The following QKI variants were observed in gnomAD, a reference collection of about 807,000 sequenced individuals.
The protein encoded by QKI is KH domain-containing RNA-binding protein QKI.
QKI carries 10 observed loss-of-function variants against 39.0 expected under a neutral mutation model. That is an observed-to-expected ratio of 0.26 (90% CI 0.16 to 0.43). QKI has a LOEUF of 0.43. Ranked by LOEUF, QKI falls within the 20% of genes least tolerant of loss-of-function variation. The pLI is 1.00. For missense variants in QKI, 218 were observed against 428.0 expected, an observed-to-expected ratio of 0.51 and a Z score of 4.33; for synonymous variants, 204 against 155.4, an observed-to-expected ratio of 1.31 and a Z score of -2.33.
At position 163,464,438 on chromosome 6, in the gene QKI, T is replaced by C. The variant is rs185311748; in HGVS notation, c.285+9017T>C. ...AAAACAGAGTTGGTTTTTGAAAAGGTAAACAAAATTGACAGACCTTTAGTT... is the reference window on the plus strand; with the variant it reads ...AAAACAGAGTTGGTTTTTGAAAAGGCAAACAAAATTGACAGACCTTTAGTT... On this transcript the variant is annotated intron_variant, in intron 2 of 7. Transcript: ENST00000361752. Among the ~76,000 whole-genome samples the C allele has an allele frequency of 1.5e-4, 23 of 151,756 alleles. 1 individual carries two copies. In the East Asian group the frequency reaches 4.3e-3, roughly 28 times the overall value.
chr6:163,549,884 G>A (rs1001256564), intron 4 of QKI, among the ~76,000 whole-genome samples: 2 of 152,144 alleles, frequency 1.3e-5, no homozygotes, highest in African/African-American at 4.8e-5. Context: ...TTTAACAGGT[G>A]TTTTAAGCAT....
intron 1 of QKI, among the ~76,000 whole-genome samples, chr6:163,430,827 C>G (rs1229032853): frequency 6.6e-6 from 1 of 152,082 alleles, no homozygotes; most frequent in Non-Finnish European, 1.5e-5. Context: ...AAAGTGTGTT[C>G]CATGGAATAC....
chr6:163,514,004 C>T (rs1381598580), intron 3 of QKI, among the ~76,000 whole-genome samples: 1 of 152,022 alleles, frequency 6.6e-6, no homozygotes, highest in African/African-American at 2.4e-5. Context: ...GAGCAAGAAG[C>T]AGACAAGGCA....
intron 1 of QKI, among the ~76,000 whole-genome samples, chr6:163,452,872 C>T (rs910190177): frequency 1.3e-5 from 2 of 152,054 alleles, no homozygotes; most frequent in Non-Finnish European, 2.9e-5. Flanking sequence ...GGATTACAGG[C>T]GTCTGCCACC....
chr6:163,576,582 A>G lies in QKI; in HGVS notation c.*5872A>G, dbSNP rs1261691938. 1 of 152,100 alleles carries G rather than the reference A, an allele frequency of 6.6e-6. No individual in the cohort carries two copies. The highest frequency in any genetic ancestry group is 1.5e-5 in the Non-Finnish European group (1 of 68,030). The allele number at this position is 152,100 out of a possible 1,614,324, so 9.4% of individuals were successfully genotyped here. On this transcript the variant is annotated 3_prime_UTR_variant, in exon 8 of 8. Coordinates refer to ENST00000361752, the MANE Select transcript of QKI (RefSeq NM_006775.3). ...ATTTTACTGTGGAAATTGTGTATAT[A>G]TATATATATAGTCGAAATAGGTGTT...
rs550612924 is a variant in QKI at position 163,524,694 on chromosome 6, C to T, written c.403-10288C>T. On this transcript the variant is annotated intron_variant, in intron 3 of 7. Transcript: ENST00000361752. Reference sequence around the variant, plus strand: ...GTTGGTCAGGCTGGTCTTGAACTCCCGACCTCAGGTGATCTACCTGCCCCG... The same window carrying T: ...GTTGGTCAGGCTGGTCTTGAACTCCTGACCTCAGGTGATCTACCTGCCCCG... 6.6e-5 allele frequency among the ~76,000 whole-genome samples: 10 copies of T among 152,012 alleles called. No individual in the cohort carries two copies. In the East Asian group the frequency reaches 1.7e-3, roughly 26 times the overall value.
chr6:163,552,993 C>T (rs1782343324), intron 4 of QKI, among the ~76,000 whole-genome samples: 1 of 151,460 alleles, frequency 6.6e-6, no homozygotes, highest in Non-Finnish European at 1.5e-5. Context: ...TTTTGCCTCT[C>T]TGTCCCACCT....
rs569419291 is a variant in QKI, at chr6:163,473,677, G to A, written c.286-5103G>A. Among the ~76,000 whole-genome samples, 23 of 152,250 alleles carry A rather than the reference G, an allele frequency of 1.5e-4. No homozygotes were observed. In the South Asian group the frequency reaches 4.4e-3, roughly 29 times the overall value. On this transcript the variant is annotated intron_variant, in intron 2 of 7. Transcript: ENST00000361752. ...AAATTGACATACGAAGGAATAGAAA[G>A]TCTGAATCCATAATTTAAAACTTTC...
chr6:163,539,133 A>G (rs1781367300), intron 4 of QKI, among the ~76,000 whole-genome samples: 3 of 152,170 alleles, frequency 2.0e-5, no homozygotes, highest in Admixed American at 2.0e-4. Flanking sequence ...GGGGTGCTTC[A>G]CCATGTAACA....
At chr6:163,476,450 T>A (rs1792612591) in intron 2 of QKI, among the ~76,000 whole-genome samples, 1 of 152,174 alleles carries the variant, frequency 6.6e-6, no homozygotes, top group Non-Finnish European at 1.5e-5. Flanking sequence ...AATTAGGAGC[T>A]TGTGTTCATG....
chr6:163,436,789 C>CA (rs60899517), intron 1 of QKI, among the ~76,000 whole-genome samples: 33,215 of 89,256 alleles, frequency 0.37, 5,988 homozygotes, highest in East Asian at 0.6. Context: ...GACTCCGTCT[C>CA]AAAAAAAAAA....
intron 3 of QKI, among the ~76,000 whole-genome samples, chr6:163,518,785 G>A (rs375379540): frequency 1.1e-4 from 16 of 152,212 alleles, no homozygotes; most frequent in African/African-American, 3.9e-4. Context: ...GTAGATTGTA[G>A]TAACTACTCT....
At chr6:163,453,420 G>T (rs185681546) in intron 1 of QKI, among the ~76,000 whole-genome samples, 1 of 152,214 alleles carries the variant, frequency 6.6e-6, no homozygotes, top group East Asian at 1.9e-4. Context: ...TAATTATATG[G>T]AAAGTGCTTT....
chr6:163,526,669 T>A (rs1780535201), intron 3 of QKI, among the ~76,000 whole-genome samples: 1 of 152,212 alleles, frequency 6.6e-6, no homozygotes, highest in Non-Finnish European at 1.5e-5. Context: ...TGGGAAACTT[T>A]TTGTACATAT....
intron 2 of QKI, among the ~76,000 whole-genome samples, chr6:163,462,932 A>G (rs1472488232): frequency 6.6e-6 from 1 of 152,222 alleles, no homozygotes; most frequent in Non-Finnish European, 1.5e-5. Flanking sequence ...TGGTATTGCC[A>G]TTCGTTGAGA....
At position 163,575,225 on chromosome 6, in the gene QKI, CTT is replaced by C. The variant is rs1204076004; in HGVS notation, c.*4516_*4517del. The C allele has an allele frequency of 6.6e-6, 1 of 152,192 alleles. No individual in the cohort carries two copies. The highest frequency in any genetic ancestry group is 1.5e-5 in the Non-Finnish European group (1 of 68,034). 9.4% of individuals were successfully genotyped at this position (152,192 alleles called of 1,614,324 possible). Reference sequence around the variant, plus strand: ...TACAAGTTGTCATGGTACCATGTAACTTAAATTGATGAATTTCTATGCAATTT... The same window carrying C: ...TACAAGTTGTCATGGTACCATGTAACAAATTGATGAATTTCTATGCAATTT... On this transcript the variant is annotated 3_prime_UTR_variant, in exon 8 of 8. Transcript: ENST00000361752.
intron 2 of QKI, among the ~76,000 whole-genome samples, chr6:163,476,180 A>AT (rs1435613391): frequency 6.6e-6 from 1 of 152,190 alleles, no homozygotes; most frequent in Non-Finnish European, 1.5e-5. Flanking sequence ...GATAATAAAT[A>AT]TTGGAGAGGA....
intron 3 of QKI, among the ~76,000 whole-genome samples, chr6:163,500,027 A>G (rs1482022192): frequency 6.6e-6 from 1 of 152,138 alleles, no homozygotes; most frequent in South Asian, 2.1e-4. Context: ...TGACATGGGG[A>G]GGTCTGCAGA....
intron 3 of QKI, among the ~76,000 whole-genome samples, chr6:163,501,791 C>G (rs562175124): frequency 3.2e-4 from 48 of 152,330 alleles, no homozygotes; most frequent in African/African-American, 1.1e-3. Flanking sequence ...TCTACACTTT[C>G]TTTCCACCAG....
Sources: gnomAD v4.1 joint callset for allele counts (sites outside exome capture counted in the v4.1 genomes callset) on GRCh38, gnomAD v4.1.1 for gene constraint, MANE v1.5 for transcripts, NCBI Gene and HGNC (gene_info 2026-07-23, HGNC 2026-07-21) for gene names.